UBE2D1: variants seen among roughly 807,000 people sequenced by gnomAD.
The protein encoded by UBE2D1 is ubiquitin-conjugating enzyme E2 D1.
In UBE2D1, 9 loss-of-function variants were observed where a neutral mutation model predicts 24.6. The ratio of observed to expected loss-of-function variants is 0.37; its 90% confidence interval spans 0.22 to 0.64. The LOEUF (loss-of-function observed/expected upper bound fraction) is 0.64, where lower values mean the gene tolerates loss of function less well. UBE2D1 is among the 30% of genes least tolerant of loss of function. The pLI is 0.64. For missense variants in UBE2D1, 87 were observed against 177.1 expected (o/e 0.49, Z 2.89); for synonymous variants, 57 against 57.6 (o/e 0.99, Z 0.04).
At chr10:58,344,057 T>C (rs1839989990) in intron 1 of UBE2D1, among the ~76,000 whole-genome samples, 1 of 152,214 alleles carries the variant, frequency 6.6e-6, no homozygotes. Flanking sequence ...GTAAAGTTTT[T>C]CTTGACTCTC....
intron 5 of UBE2D1, among the ~76,000 whole-genome samples, chr10:58,365,352 G>C (rs983913197): frequency 2.6e-5 from 4 of 152,154 alleles, no homozygotes; most frequent in Non-Finnish European, 4.4e-5. Context: ...TTTGGGACTG[G>C]TTGTCCCATT....
At chr10:58,364,969 A>C in intron 5 of UBE2D1, 93 bp downstream of exon 5, 1 of 968,904 alleles carries the variant, frequency 1.0e-6, no homozygotes, top group Non-Finnish European at 1.6e-6. Flanking sequence ...TAAAACAACA[A>C]TCAACTGTGC....
chr10:58,339,683 T>C (rs997860116), intron 1 of UBE2D1, among the ~76,000 whole-genome samples: 1 of 152,102 alleles, frequency 6.6e-6, no homozygotes, highest in Non-Finnish European at 1.5e-5. Context: ...TTGAGTAGTT[T>C]ACTCATGATC....
At chr10:58,362,189 A>G (rs1358728935) in intron 3 of UBE2D1, among the ~76,000 whole-genome samples, 1 of 152,212 alleles carries the variant, frequency 6.6e-6, no homozygotes, top group African/African-American at 2.4e-5. Flanking sequence ...ATCTGATTGC[A>G]TAAGAATGAG....
At chr10:58,359,762 T>C (rs1840174266) in intron 1 of UBE2D1, among the ~76,000 whole-genome samples, 1 of 152,232 alleles carries the variant, frequency 6.6e-6, no homozygotes, top group African/African-American at 2.4e-5. Context: ...CACCTATCTC[T>C]GAGGATTGTT....
Position 58,368,014 on chromosome 10 carries a change from AAAGT to A in UBE2D1, c.398+3_398+6del, listed in dbSNP as rs1196572837. On this transcript the variant is annotated splice_donor_variant and coding_sequence_variant, in exon 6 of 7. Coordinates refer to ENST00000373910, the MANE Select transcript of UBE2D1 (RefSeq NM_003338.5). LOFTEE classifies it high-confidence loss of function. ...CACAAATCTATAAATCAGACAAAGAAAAGTAAGTGTTTACTTATTTTAGTTTCTG... is the reference window on the plus strand; with the variant it reads ...CACAAATCTATAAATCAGACAAAGAAAAGTGTTTACTTATTTTAGTTTCTG... 7 of 1,604,960 alleles carry A rather than the reference AAAGT, an allele frequency of 4.4e-6. No individual in the cohort carries two copies. Among genetic ancestry groups the A allele is most frequent in the East Asian group, 2.2e-5 (1 of 44,650 alleles).
chr10:58,346,391 TTAATG>T (rs1270868750), intron 1 of UBE2D1, among the ~76,000 whole-genome samples: 3 of 152,112 alleles, frequency 2.0e-5, no homozygotes, highest in Non-Finnish European at 4.4e-5. Context: ...ATAATTTTGA[TTAATG>T]TCATGAAAAG....
At chr10:58,364,170 G>T (rs1297949440) in intron 4 of UBE2D1, among the ~76,000 whole-genome samples, 6 of 152,006 alleles carry the variant, frequency 3.9e-5, no homozygotes, top group Non-Finnish European at 8.8e-5. Flanking sequence ...ATTTAGATTT[G>T]CTCTAAAGAG....
intron 1 of UBE2D1, among the ~76,000 whole-genome samples, chr10:58,352,031 C>T (rs1840082595): frequency 6.6e-6 from 1 of 152,030 alleles, no homozygotes; most frequent in South Asian, 2.1e-4. Context: ...CTAATTGACC[C>T]AGCACCATCT....
rs1370665779 is a variant in UBE2D1, at chr10:58,335,145, C to G, written c.-57C>G. 36 of 1,527,720 alleles carry G rather than the reference C, an allele frequency of 2.4e-5. No individual in the cohort carries two copies. The East Asian group carries it at 7.9e-4, about 33-fold the overall frequency. 94.6% of individuals were successfully genotyped at this position (1,527,720 alleles called of 1,614,324 possible). Reference sequence around the variant, plus strand: ...GAGCCCAACCCGCGACGACCCACGCCCCTGAGCCCCGCAGCCGACCCCTGC... The same window carrying G: ...GAGCCCAACCCGCGACGACCCACGCGCCTGAGCCCCGCAGCCGACCCCTGC... On this transcript the variant is annotated 5_prime_UTR_variant, in exon 1 of 7. Transcript: ENST00000373910.
intron 1 of UBE2D1, 94 bp from the exon 2 acceptor site, chr10:58,361,234 CTTTAAATGTT>C: frequency 8.5e-7 from 1 of 1,180,958 alleles, no homozygotes; most frequent in African/African-American, 1.5e-5. Flanking sequence ...AATAGAACTG[CTTTAAATGTT>C]TTTAAAGCTA....
intron 1 of UBE2D1, among the ~76,000 whole-genome samples, chr10:58,355,337 GA>G (rs372156186): frequency 2.0e-4 from 30 of 152,282 alleles, no homozygotes; most frequent in African/African-American, 6.7e-4. Flanking sequence ...GGGAGCCACT[GA>G]AATAAAGTAG....
rs114507098 is a variant in UBE2D1 at position 58,363,185 on chromosome 10, A to G, written c.121-424A>G. Among the ~76,000 whole-genome samples the G allele has an allele frequency of 5.1e-3, 780 of 152,270 alleles. 5 individuals carry two copies. Among genetic ancestry groups the G allele is most frequent in the African/African-American group, 0.018 (749 of 41,562 alleles). ...CATTCTTGGTCATCAAGTGAACATC[A>G]GAACTTAAGTTTTACTATCCTCAAC... On this transcript the variant is annotated intron_variant, in intron 3 of 6. Coordinates refer to ENST00000373910, the MANE Select transcript of UBE2D1 (RefSeq NM_003338.5).
intron 4 of UBE2D1, among the ~76,000 whole-genome samples, chr10:58,364,201 C>A (rs1409824076): frequency 6.6e-6 from 1 of 151,958 alleles, no homozygotes; most frequent in East Asian, 1.9e-4. Context: ...ATGGGGATAT[C>A]AGGGAGGGGA....
chr10:58,338,148 A>G lies in UBE2D1; in HGVS notation c.24+2923A>G, dbSNP rs185509300. ...AGGTGTGAGCCACCACACCCGGCCA[A>G]TAATCTCTTAATTGGCTTGGCTATT... is the stretch of plus-strand genomic sequence containing the variant. On this transcript the variant is annotated intron_variant, in intron 1 of 6. Coordinates refer to ENST00000373910, the MANE Select transcript of UBE2D1 (RefSeq NM_003338.5). 2.6e-5 allele frequency among the ~76,000 whole-genome samples: 4 copies of G among 152,256 alleles called. No individual in the cohort carries two copies. The East Asian group carries it at 7.7e-4, about 29-fold the overall frequency.
At chr10:58,339,781 A>G (rs1588995867) in intron 1 of UBE2D1, among the ~76,000 whole-genome samples, 1 of 151,148 alleles carries the variant, frequency 6.6e-6, no homozygotes, top group Non-Finnish European at 1.5e-5. Flanking sequence ...TCAGTCTTAG[A>G]ATCTTTTATT....
chr10:58,364,429 A>G (rs1840234091), intron 4 of UBE2D1: 1 of 166,902 alleles, frequency 6.0e-6, no homozygotes, highest in South Asian at 2.0e-4. Context: ...TCAAATTAAG[A>G]AAAGGATTAC....
At chr10:58,362,618 C>CAA (rs1438067804) in intron 3 of UBE2D1, among the ~76,000 whole-genome samples, 1 of 152,046 alleles carries the variant, frequency 6.6e-6, no homozygotes, top group Non-Finnish European at 1.5e-5. Flanking sequence ...TCATGTTATT[C>CAA]ATAACTCCCT....
chr10:58,355,420 G>A (rs1840120957), intron 1 of UBE2D1, among the ~76,000 whole-genome samples: 1 of 152,198 alleles, frequency 6.6e-6, no homozygotes, highest in Non-Finnish European at 1.5e-5. Context: ...AGTATCGGAA[G>A]CAGTTACAAT....
Sources: allele counts gnomAD v4.1 joint callset (sites outside exome capture counted in the v4.1 genomes callset), GRCh38; gene constraint gnomAD v4.1.1; transcripts MANE v1.5; gene names NCBI Gene and HGNC (gene_info 2026-07-23, HGNC 2026-07-21).